CCDC57: variants seen among roughly 807,000 people sequenced by gnomAD.
CCDC57 encodes coiled-coil domain-containing protein 57.
A neutral mutation model predicts 118.9 loss-of-function variants in CCDC57; 118 were observed. The observed-to-expected ratio is 0.99, with a 90% CI of 0.86 to 1.16. The LOEUF (loss-of-function observed/expected upper bound fraction) is 1.16. CCDC57 is among the 50% of genes most tolerant of loss of function. The pLI is 0.00. For synonymous variants in CCDC57, 527 were observed against 532.9 expected (o/e 0.99, Z 0.15); for missense variants, 1,300 against 1,320.7 (o/e 0.98, Z 0.24).
At chr17:82,146,772 CACAT>C (rs370594105) in intron 16 of CCDC57, among the ~76,000 whole-genome samples, 48 of 152,318 alleles carry the variant, frequency 3.2e-4, no homozygotes, top group African/African-American at 1.2e-3. Flanking sequence ...CACACAGTCT[CACAT>C]ACAAATGTAT....
At chr17:82,151,757 C>T (rs1359929986) in exon 16 of CCDC57, 1 of 1,550,096 alleles carries the variant, frequency 6.5e-7, no homozygotes, top group South Asian at 1.2e-5. Flanking sequence ...CTCCATAGGC[C>T]CTCTCTTGGT....
Position 82,183,770 on chromosome 17 carries a change from T to G in CCDC57, c.1211+4A>C. ...AATGGAAACATCTGCCTGGGGACAG[T>G]TACCTTTCAATGTCCTGCTGGGATC... On this transcript the variant is annotated splice_donor_region_variant and intron_variant, in intron 9 of 19. Transcript: ENST00000665763. 1 of 1,553,940 alleles carries G rather than the reference T, an allele frequency of 6.4e-7. No homozygotes were observed. The highest frequency in any genetic ancestry group is 8.7e-7 in the Non-Finnish European group (1 of 1,148,024).
chr17:82,206,717 G>C (rs1387151934), intron 2 of CCDC57, among the ~76,000 whole-genome samples: 1 of 152,190 alleles, frequency 6.6e-6, no homozygotes, highest in Non-Finnish European at 1.5e-5. Context: ...CCCAAAGAGG[G>C]GGCTGTGGGA....
chr17:82,144,311 T>TA (rs373663387), intron 16 of CCDC57, among the ~76,000 whole-genome samples: 12 of 148,910 alleles, frequency 8.1e-5, no homozygotes, highest in South Asian at 6.4e-4. Flanking sequence ...CCATCTCTTT[T>TA]AAAAAAAAAA....
rs909734135 is a variant in CCDC57 at position 82,168,277 on chromosome 17, G to GCT, written c.1882+3422_1882+3423dup. Among the ~76,000 whole-genome samples, 11 of 152,288 alleles carry GCT rather than the reference G, an allele frequency of 7.2e-5. No individual in the cohort carries two copies. The East Asian group carries it at 2.1e-3, about 29-fold the overall frequency. ...CACTGTCCCCTGTGGGCTGTGCATC[G>GCT]CTCTCTCTGTGTGCTTTCAACAGTT... is the stretch of plus-strand genomic sequence containing the variant. On this transcript the variant is annotated intron_variant, in intron 13 of 19. Coordinates refer to ENST00000665763, the Ensembl canonical transcript of CCDC57.
chr17:82,181,343 G>A (rs954659095), intron 9 of CCDC57, among the ~76,000 whole-genome samples: 4 of 152,258 alleles, frequency 2.6e-5, no homozygotes, highest in Non-Finnish European at 4.4e-5. Context: ...TCCAGGGCAC[G>A]CAGTGGGGTC....
At chr17:82,161,480 A>T (rs141839882) in intron 14 of CCDC57, among the ~76,000 whole-genome samples, 113 of 152,324 alleles carry the variant, frequency 7.4e-4, no homozygotes, top group African/African-American at 2.6e-3. Flanking sequence ...CATTATGCAC[A>T]ATCCAAACAG....
At chr17:82,179,687 G>A (rs910108966) in intron 9 of CCDC57, among the ~76,000 whole-genome samples, 5 of 152,090 alleles carry the variant, frequency 3.3e-5, no homozygotes, top group African/African-American at 4.8e-5. Flanking sequence ...TGGGAACGCA[G>A]GAACCCGGGG....
rs2064384803 is a variant in CCDC57 at position 82,126,233 on chromosome 17, T to C, written c.2899+1459A>G. ...AGGAGGAGCTTGCAGTGAGCTGAGA[T>C]TGCGCCATTGCACTCCAGCCCGAGC... is the stretch of plus-strand genomic sequence containing the variant. On this transcript the variant is annotated intron_variant, in intron 19 of 19. Coordinates refer to ENST00000665763, the Ensembl canonical transcript of CCDC57. 4 of 306,266 alleles carry C rather than the reference T, an allele frequency of 1.3e-5. No homozygotes were observed. The South Asian group carries it at 5.0e-4, about 38-fold the overall frequency. The allele number at this position is 306,266 out of a possible 1,614,324, so 19.0% of individuals were successfully genotyped here.
intron 19 of CCDC57, among the ~76,000 whole-genome samples, chr17:82,126,060 C>G (rs1346081746): frequency 6.6e-6 from 1 of 152,108 alleles, no homozygotes; most frequent in Non-Finnish European, 1.5e-5. Flanking sequence ...GTGGGCGGAT[C>G]AACTGAGGTC....
chr17:82,159,884 T>C (rs2043113877), intron 14 of CCDC57, among the ~76,000 whole-genome samples: 1 of 152,000 alleles, frequency 6.6e-6, no homozygotes, highest in African/African-American at 2.4e-5. Flanking sequence ...TTGGCCAAGA[T>C]GGTCTCAATC....
chr17:82,123,122 C>G (rs967688533), intron 19 of CCDC57, among the ~76,000 whole-genome samples: 8 of 105,766 alleles, frequency 7.6e-5, no homozygotes, highest in African/African-American at 2.6e-4. Context: ...CTCCTAATAA[C>G]TTTTTTTTTT....
intron 16 of CCDC57, among the ~76,000 whole-genome samples, chr17:82,148,074 G>A (rs923899031): frequency 8.7e-5 from 6 of 69,034 alleles, no homozygotes; most frequent in Non-Finnish European, 1.2e-4. Flanking sequence ...GGATGGGTGG[G>A]TAGATGGGTG....
intron 19 of CCDC57, among the ~76,000 whole-genome samples, chr17:82,123,982 C>CAAAAAAAAAAAA (rs200031813): frequency 1.7e-4 from 11 of 64,266 alleles, no homozygotes; most frequent in African/African-American, 2.4e-4. Flanking sequence ...CATCCAAAAG[C>CAAAAAAAAAAAA]AAAAAAAAAA....
chr17:82,210,644 C>T (rs1182321527), intron 1 of CCDC57, among the ~76,000 whole-genome samples: 1 of 140,114 alleles, frequency 7.1e-6, no homozygotes, highest in Non-Finnish European at 1.6e-5. Flanking sequence ...CAAGCCACTG[C>T]ACTCCAGCTT....
At chr17:82,158,088 C>G in intron 14 of CCDC57, 140 bp from the exon 14 acceptor site, 3 of 1,438,978 alleles carry the variant, frequency 2.1e-6, no homozygotes, top group Non-Finnish European at 2.7e-6. Context: ...CAGCTGGATG[C>G]AACTGCCCTC....
At chr17:82,163,174 T>A (rs750782430) in intron 14 of CCDC57, 26 bp downstream of exon 13, 1 of 1,610,080 alleles carries the variant, frequency 6.2e-7, no homozygotes, top group Admixed American at 1.7e-5. Flanking sequence ...TCTAGGAGGA[T>A]GACCCCACAA....
intron 15 of CCDC57, chr17:82,154,481 G>A (rs1375632986): frequency 1.3e-5 from 2 of 152,486 alleles, no homozygotes; most frequent in Non-Finnish European, 2.9e-5. Flanking sequence ...ACTTGGGTGG[G>A]TGTACACAAT....
chr17:82,170,603 C>T (rs1194429116), intron 13 of CCDC57, among the ~76,000 whole-genome samples: 4 of 151,414 alleles, frequency 2.6e-5, no homozygotes, highest in East Asian at 3.9e-4. Flanking sequence ...CACATGAGCA[C>T]GCAGGGGAGA....
Sources: gnomAD v4.1 joint callset for allele counts (sites outside exome capture counted in the v4.1 genomes callset) on GRCh38, gnomAD v4.1.1 for gene constraint, MANE v1.5 for transcripts, NCBI Gene and HGNC (gene_info 2026-07-23, HGNC 2026-07-21) for gene names.